PLAAT2: variants seen among roughly 807,000 people sequenced by gnomAD.
The protein encoded by PLAAT2 is HRAS like suppressor 2.
Under a neutral mutation model 12.8 loss-of-function variants are expected in PLAAT2, and 12 were observed. The observed-to-expected ratio is 0.94, with a 90% CI of 0.60 to 1.52. The LOEUF is 1.52. PLAAT2 is among the 40% of genes most tolerant of loss of function. The pLI is 0.00. For missense variants in PLAAT2, 166 were observed against 208.1 expected (o/e 0.80, Z 1.24); for synonymous variants, 79 against 86.8 (o/e 0.91, Z 0.50).
intron 2 of PLAAT2, among the ~76,000 whole-genome samples, chr11:63,559,327 TC>T (rs2017497218): frequency 1.3e-5 from 2 of 152,050 alleles, no homozygotes; most frequent in Admixed American, 6.6e-5. Flanking sequence ...AAAGAAAATG[TC>T]ACCCATTGCC....
chr11:63,556,219 A>C (rs2017465224), intron 3 of PLAAT2, among the ~76,000 whole-genome samples: 1 of 152,186 alleles, frequency 6.6e-6, no homozygotes, highest in African/African-American at 2.4e-5. Context: ...AGAAGGAAGG[A>C]GGGAGAGGAA....
chr11:63,555,835 C>T (rs1326746632), intron 3 of PLAAT2, among the ~76,000 whole-genome samples: 1 of 152,180 alleles, frequency 6.6e-6, no homozygotes, highest in Non-Finnish European at 1.5e-5. Flanking sequence ...CCCTTCCCCA[C>T]CCATGGATAC....
intron 2 of PLAAT2, 111 bp from the exon 3 acceptor site, chr11:63,558,771 T>G: frequency 7.7e-7 from 1 of 1,292,534 alleles, no homozygotes; most frequent in South Asian, 1.4e-5. Flanking sequence ...GTGGAAGGAC[T>G]TGTCCATCCT....
chr11:63,563,411 C>A, upstream of PLAAT2: 1 of 1,550,804 alleles, frequency 6.4e-7, no homozygotes, highest in Non-Finnish European at 8.9e-7. Flanking sequence ...TGTGACCCAG[C>A]CCATATACAA....
intron 1 of PLAAT2, among the ~76,000 whole-genome samples, chr11:63,560,709 C>A (rs2017511425): frequency 1.3e-5 from 2 of 152,200 alleles, no homozygotes; most frequent in African/African-American, 4.8e-5. Context: ...CTATCATTAC[C>A]CCCACTTGAC....
intron 2 of PLAAT2, 29 bp from the exon 3 acceptor site, chr11:63,558,689 C>G (rs1370779517): frequency 6.2e-7 from 1 of 1,611,202 alleles, no homozygotes; most frequent in Non-Finnish European, 8.5e-7. Flanking sequence ...CAGTCCTGGG[C>G]AGGGCCTGGG....
At chr11:63,558,338 G>A in intron 3 of PLAAT2, 54 bp downstream of exon 3, 1 of 1,593,386 alleles carries the variant, frequency 6.3e-7, no homozygotes, top group Non-Finnish European at 8.6e-7. Context: ...CCAGCCTCTG[G>A]CAGCTGAGGG....
intron 3 of PLAAT2, among the ~76,000 whole-genome samples, chr11:63,553,465 C>G (rs1331426178): frequency 6.6e-6 from 1 of 150,990 alleles, no homozygotes; most frequent in African/African-American, 2.4e-5. Flanking sequence ...CATGGTGAGA[C>G]CCCCATCTCT....
Position 63,560,153 on chromosome 11 carries a change from G to A in PLAAT2, c.50C>T (p.Ser17Phe). Residue 17 changes from serine to phenylalanine, a missense_variant, in exon 2 of 4, where the codon TCT (serine) becomes TTT (phenylalanine). Coordinates refer to ENST00000255695, the MANE Select transcript of PLAAT2 (RefSeq NM_017878.2). ...GGCCCAGTGTGCATAGCCAAAGCGA[G>A]AAATCTCAATCAGGTCTCCAAGTCT... is the stretch of plus-strand genomic sequence containing the variant. ...RPRLGDLIEI[S>F]RFGYAHWAIY... 1 of 1,613,886 alleles carries A rather than the reference G, an allele frequency of 6.2e-7. No individual in the cohort carries two copies. Among genetic ancestry groups the A allele is most frequent in the Non-Finnish European group, 8.5e-7 (1 of 1,179,880 alleles).
At position 63,558,651 on chromosome 11, in the gene PLAAT2, G is replaced by A. The variant is rs766765351; in HGVS notation, c.128C>T (p.Ala43Val). The part of the protein sequence containing the change: ...VVHLAPASEI[A>V]GAGAASVLSA... Reference sequence around the variant, plus strand: ...CAGGACACTGGCCGCACCAGCTCCAGCAATTTCACCTGTGCAAACAGTGAG... The same window carrying A: ...CAGGACACTGGCCGCACCAGCTCCAACAATTTCACCTGTGCAAACAGTGAG... The change falls in exon 3 of 4, where the codon GCT becomes GTT. Residue 43 changes from alanine (A) to valine (V), a missense_variant. By Grantham distance (64) the Ala-to-Val change is moderately conservative. Transcript: ENST00000255695. The A allele has an allele frequency of 8.1e-6, 13 of 1,614,202 alleles. No individual in the cohort carries two copies. The highest frequency in any genetic ancestry group is 3.3e-5 in the Admixed American group (2 of 60,026).
chr11:63,558,676 G>A lies in PLAAT2; in HGVS notation c.119-16C>T, dbSNP rs373187041. 2.3e-5 allele frequency: 37 copies of A among 1,613,580 alleles called. No homozygotes were observed. The highest frequency in any genetic ancestry group is 2.9e-5 in the Non-Finnish European group (34 of 1,179,682). ...GCAATTTCACCTGTGCAAACAGTGA[G>A]TTCAGTCCTGGGCAGGGCCTGGGGG... On this transcript the variant is annotated splice_polypyrimidine_tract_variant and intron_variant, in intron 2 of 3. Coordinates refer to ENST00000255695, the MANE Select transcript of PLAAT2 (RefSeq NM_017878.2).
chr11:63,554,921 A>G (rs1409190164), intron 3 of PLAAT2, among the ~76,000 whole-genome samples: 2 of 152,342 alleles, frequency 1.3e-5, no homozygotes, highest in Admixed American at 1.3e-4. Context: ...AGACAGCAAA[A>G]ACAGATTTGA....
At chr11:63,561,803 A>C (rs1410605722) in intron 1 of PLAAT2, among the ~76,000 whole-genome samples, 1 of 152,116 alleles carries the variant, frequency 6.6e-6, no homozygotes, top group Admixed American at 6.5e-5. Flanking sequence ...TTTAAAAAAA[A>C]GTAAAGCCTT....
intron 3 of PLAAT2, among the ~76,000 whole-genome samples, chr11:63,557,857 C>T (rs550783702): frequency 1.3e-5 from 2 of 152,142 alleles, no homozygotes; most frequent in South Asian, 2.1e-4. Flanking sequence ...TTATTGCCCC[C>T]GTTCCCTGGT....
chr11:63,563,256 A>T, intron 1 of PLAAT2, 60 bp downstream of exon 1: 2 of 1,602,798 alleles, frequency 1.2e-6, no homozygotes, highest in Non-Finnish European at 8.5e-7. Flanking sequence ...ACACATAATC[A>T]TCACTAATAG....
intron 1 of PLAAT2, 112 bp downstream of exon 1, chr11:63,563,204 G>C: frequency 8.1e-7 from 1 of 1,233,462 alleles, no homozygotes; most frequent in Non-Finnish European, 1.2e-6. Flanking sequence ...CTCAGCATGT[G>C]CCCATGTGCC....
chr11:63,563,661 C>T (rs1381057001), upstream of PLAAT2, among the ~76,000 whole-genome samples: 4 of 138,878 alleles, frequency 2.9e-5, no homozygotes, highest in South Asian at 2.2e-4. Context: ...GACCTTGCAG[C>T]GAGCAGAGGT....
chr11:63,558,702 G>T, intron 2 of PLAAT2, 42 bp from the exon 3 acceptor site: 1 of 1,602,318 alleles, frequency 6.2e-7, no homozygotes. Context: ...GGCCTGGGGG[G>T]CTCAGAGCTG....
chr11:63,563,735 A>C (rs2017540423), upstream of PLAAT2, among the ~76,000 whole-genome samples: 1 of 151,698 alleles, frequency 6.6e-6, no homozygotes, highest in African/African-American at 2.4e-5. Context: ...AAAAAAAAAA[A>C]AACAGAACAT....
Sources: gnomAD v4.1 joint callset for allele counts (sites outside exome capture counted in the v4.1 genomes callset) on GRCh38, gnomAD v4.1.1 for gene constraint, MANE v1.5 for transcripts, NCBI Gene and HGNC (gene_info 2026-07-23, HGNC 2026-07-21) for gene names.